Variants in ATP6V1H observed in about 807,000 individuals in gnomAD.
ATP6V1H encodes V-type proton ATPase subunit H.
Under a neutral mutation model 71.7 loss-of-function variants are expected in ATP6V1H, and 39 were observed. The ratio of observed to expected loss-of-function variants is 0.54; its 90% CI spans 0.42 to 0.71. The LOEUF (loss-of-function observed/expected upper bound fraction) is 0.71, where lower values mean the gene tolerates loss of function less well. Ranked by LOEUF, ATP6V1H falls within the 30% of genes least tolerant of loss-of-function variation. ATP6V1H has a pLI of 0.00. For missense variants in ATP6V1H, 509 were observed against 594.9 expected (o/e 0.86, Z 1.50); for synonymous variants, 192 against 199.3 (o/e 0.96, Z 0.31).
chr8:53,801,077 A>C (rs551825727), intron 8 of ATP6V1H, among the ~76,000 whole-genome samples: 14 of 152,370 alleles, frequency 9.2e-5, no homozygotes, highest in African/African-American at 3.1e-4. Context: ...AATTGCATAC[A>C]AATACTGACT....
intron 7 of ATP6V1H, among the ~76,000 whole-genome samples, chr8:53,802,851 A>C (rs1809957689): frequency 6.6e-6 from 1 of 152,254 alleles, no homozygotes; most frequent in South Asian, 2.1e-4. Flanking sequence ...ACACTTGAAA[A>C]AGACTATGAT....
At chr8:53,811,446 G>T (rs1810271068) in intron 6 of ATP6V1H, among the ~76,000 whole-genome samples, 1 of 152,126 alleles carries the variant, frequency 6.6e-6, no homozygotes, top group Non-Finnish European at 1.5e-5. Flanking sequence ...AGCTAAAAAT[G>T]GAACAATAAT....
intron 13 of ATP6V1H, among the ~76,000 whole-genome samples, chr8:53,727,840 C>T (rs1385020028): frequency 6.6e-6 from 1 of 152,232 alleles, no homozygotes; most frequent in Non-Finnish European, 1.5e-5. Flanking sequence ...GTTCCTCCAT[C>T]TACATTCCTG....
chr8:53,725,504 C>T (rs1046618289), intron 13 of ATP6V1H, among the ~76,000 whole-genome samples: 6 of 149,956 alleles, frequency 4.0e-5, no homozygotes, highest in Non-Finnish European at 5.9e-5. Flanking sequence ...TGTCTAAGCA[C>T]GCAGCAGTCT....
chr8:53,755,725 T>C (rs1223882242), intron 12 of ATP6V1H, among the ~76,000 whole-genome samples: 3 of 7,904 alleles, frequency 3.8e-4, no homozygotes, highest in African/African-American at 1.5e-3. Context: ...TATATATATA[T>C]ATATATATAT....
At chr8:53,822,430 T>C (rs1810692980) in intron 4 of ATP6V1H, among the ~76,000 whole-genome samples, 1 of 152,020 alleles carries the variant, frequency 6.6e-6, no homozygotes, top group African/African-American at 2.4e-5. Context: ...TCATTGACTG[T>C]TGCAAATAAA....
In ATP6V1H at chr8:53,795,791, T is replaced by C; in HGVS notation, c.726A>G (p.Gln242=). The C allele has an allele frequency of 2.5e-6, 4 of 1,613,936 alleles. No homozygotes were observed. The highest frequency in any genetic ancestry group is 1.1e-5 in the South Asian group (1 of 91,058). ...SNKCGFQLQY[Q]MIFSIWLLAF... ...CCAGGAGCCATATTGAAAAAATCAT[T>C]TGATACTGGAGCTGAAAGCCACACT... The change falls in exon 9 of 14, where the codon CAA becomes CAG. Residue 242 remains glutamine (Q), a synonymous_variant. Coordinates refer to ENST00000359530, the MANE Select transcript of ATP6V1H (RefSeq NM_015941.4).
chr8:53,752,829 C>T lies in ATP6V1H; in HGVS notation c.1277+3726G>A, dbSNP rs186748934. ...CCTCCCAAAGTGCTGGGATTACAGG[C>T]GTGAGCTACCGCACCCAGCGATCCT... is the stretch of plus-strand genomic sequence containing the variant. On this transcript the variant is annotated intron_variant, in intron 12 of 13. Coordinates refer to ENST00000359530, the MANE Select transcript of ATP6V1H (RefSeq NM_015941.4). Among the ~76,000 whole-genome samples, 662 of 152,238 alleles carry T rather than the reference C, an allele frequency of 4.3e-3. 5 individuals carry two copies. The highest frequency in any genetic ancestry group is 0.023 in the South Asian group (113 of 4,826).
At chr8:53,826,133 T>C (rs1330026285) in intron 4 of ATP6V1H, among the ~76,000 whole-genome samples, 1 of 152,156 alleles carries the variant, frequency 6.6e-6, no homozygotes, top group African/African-American at 2.4e-5. Flanking sequence ...ACCATTCTGA[T>C]AGGCAAAAAT....
chr8:53,800,735 A>C (rs551422328), intron 8 of ATP6V1H, among the ~76,000 whole-genome samples: 7 of 152,224 alleles, frequency 4.6e-5, no homozygotes, highest in Admixed American at 1.3e-4. Context: ...TTTGTGTATC[A>C]AAATGTACTT....
chr8:53,736,856 A>G (rs1360410037), intron 13 of ATP6V1H, among the ~76,000 whole-genome samples: 2 of 152,184 alleles, frequency 1.3e-5, no homozygotes, highest in East Asian at 1.9e-4. Flanking sequence ...GCAAAAATGA[A>G]ATCAATAGTC....
chr8:53,792,930 G>A (rs769339147), intron 9 of ATP6V1H, among the ~76,000 whole-genome samples: 1 of 152,070 alleles, frequency 6.6e-6, no homozygotes. Context: ...TTAACCTCTC[G>A]TGTCCTAGTG....
intron 9 of ATP6V1H, among the ~76,000 whole-genome samples, chr8:53,775,159 T>C (rs1303057153): frequency 6.6e-6 from 1 of 152,112 alleles, no homozygotes; most frequent in African/African-American, 2.4e-5. Flanking sequence ...ACCTTCGCGG[T>C]GAGTGTTACG....
intron 12 of ATP6V1H, among the ~76,000 whole-genome samples, chr8:53,753,784 T>C (rs1249633515): frequency 1.3e-5 from 2 of 152,206 alleles, no homozygotes; most frequent in African/African-American, 4.8e-5. Flanking sequence ...GTAAAACCAA[T>C]TATTTTTTAA....
chr8:53,724,272 C>G (rs1276193633), intron 13 of ATP6V1H, among the ~76,000 whole-genome samples: 1 of 152,080 alleles, frequency 6.6e-6, no homozygotes, highest in Non-Finnish European at 1.5e-5. Flanking sequence ...GGTCATATGG[C>G]CCCCCAAAAC....
intron 4 of ATP6V1H, among the ~76,000 whole-genome samples, chr8:53,819,839 CACATACAT>C (rs1157283261): frequency 6.8e-6 from 1 of 147,614 alleles, no homozygotes; most frequent in Non-Finnish European, 1.5e-5. Context: ...CACACACACA[CACATACAT>C]ACATACATAC....
At chr8:53,778,249 T>C (rs527798879) in intron 9 of ATP6V1H, among the ~76,000 whole-genome samples, 4 of 152,368 alleles carry the variant, frequency 2.6e-5, no homozygotes, top group East Asian at 1.9e-4. Context: ...ATGTGACATT[T>C]TGATACAATC....
At chr8:53,717,779 A>G (rs1806474480) in intron 13 of ATP6V1H, among the ~76,000 whole-genome samples, 1 of 152,208 alleles carries the variant, frequency 6.6e-6, no homozygotes, top group Non-Finnish European at 1.5e-5. Context: ...ACTTATAAAT[A>G]TATTTTTCCT....
Position 53,817,499 on chromosome 8 carries a change from T to A in ATP6V1H, c.338A>T (p.Asp113Val), listed in dbSNP as rs765057855. ...AGTGTTCTTGCTACATCTTGCATAG[T>A]CAAAGAAAATGCTAACACGCTGATG... ...ENHQRVSIFFDYARCSKNTAW... is the reference protein window; with the variant it reads ...ENHQRVSIFFVYARCSKNTAW... Residue 113 changes from aspartate (D) to valine (V), a missense_variant, in exon 5 of 14, where the codon GAC becomes GTC. By Grantham distance (152) the Asp-to-Val change is radical (BLOSUM62 -3). This residue lies in a region of ATP6V1H where 297 missense variants were observed against 303.3 expected (regional missense o/e 0.98). Coordinates refer to ENST00000359530, the MANE Select transcript of ATP6V1H (RefSeq NM_015941.4). 1.2e-6 allele frequency: 2 copies of A among 1,612,512 alleles called. No individual in the cohort carries two copies. The highest frequency in any genetic ancestry group is 2.2e-5 in the South Asian group (2 of 90,884).
Sources: allele counts gnomAD v4.1 joint callset (sites outside exome capture counted in the v4.1 genomes callset), GRCh38; gene constraint gnomAD v4.1.1; regional missense constraint gnomAD v4.1.1; transcripts MANE v1.5; gene names NCBI Gene and HGNC (gene_info 2026-07-23, HGNC 2026-07-21).